FOLR1: variants seen among roughly 807,000 people sequenced by gnomAD.
FOLR1 encodes KB cells FBP.
Under a neutral mutation model 22.8 loss-of-function variants are expected in FOLR1, and 11 were observed. That is an observed-to-expected ratio of 0.48 (90% CI 0.30 to 0.80). FOLR1 has a LOEUF of 0.80. FOLR1 is among the 30% of genes least tolerant of loss of function. The probability of loss-of-function intolerance (pLI) is 0.06; values close to 1 mark genes in which losing one functional copy is unlikely to be tolerated. For missense variants in FOLR1, 273 were observed against 320.3 expected (o/e 0.85, Z 1.13); for synonymous variants, 108 against 116.5 (o/e 0.93, Z 0.47).
chr11:72,191,276 C>T (rs902563877), upstream of FOLR1, among the ~76,000 whole-genome samples: 8 of 152,036 alleles, frequency 5.3e-5, no homozygotes, highest in Admixed American at 5.2e-4. Flanking sequence ...AGTGATGAGG[C>T]TAGAAAGGGG....
In FOLR1 at chr11:72,195,820, A is replaced by G. The variant is rs1345207575; in HGVS notation, c.493+73A>G. 3.1e-6 allele frequency: 5 copies of G among 1,613,912 alleles called. No homozygotes were observed. The Admixed American group carries it at 8.3e-5, about 27-fold the overall frequency. ...TGTGGGTGTGGAACAGGTATGTGAC[A>G]ATTTGGAGTTGTAGGGCTGGCAGAC... On this transcript the variant is annotated intron_variant, in intron 3 of 3. Coordinates refer to ENST00000393676, the MANE Select transcript of FOLR1 (RefSeq NM_016729.3).
rs751350258 is a variant in FOLR1, at chr11:72,195,877, G to C, written c.494-20G>C. The C allele has an allele frequency of 6.2e-7, 1 of 1,614,072 alleles. No homozygotes were observed. Among genetic ancestry groups the C allele is most frequent in the African/African-American group, 1.3e-5 (1 of 74,928 alleles). On this transcript the variant is annotated intron_variant, in intron 3 of 3. Transcript: ENST00000393676. ...ATAGTTCCGGGCCCAGTGGCTAAAG[G>C]TCTTCCCTCCTCTCTACAGGGTTTA...
intron 1 of FOLR1, among the ~76,000 whole-genome samples, chr11:72,193,090 T>C (rs763895929): frequency 2.0e-5 from 3 of 152,058 alleles, no homozygotes; most frequent in Non-Finnish European, 2.9e-5. Flanking sequence ...ATCCCAACAC[T>C]GTGGGATGTC....
intron 1 of FOLR1, among the ~76,000 whole-genome samples, chr11:72,194,634 C>T (rs560725077): frequency 1.2e-4 from 19 of 152,252 alleles, no homozygotes; most frequent in Non-Finnish European, 2.2e-4. Context: ...CTCTTAGCCT[C>T]GTGATCCACC....
chr11:72,195,170 T>C (rs978620591), intron 1 of FOLR1, 101 bp from the exon 2 acceptor site: 1 of 1,176,750 alleles, frequency 8.5e-7, no homozygotes, highest in Non-Finnish European at 1.3e-6. Context: ...TCCAGTGGGC[T>C]GGGGAATCAA....
intron 2 of FOLR1, 25 bp from the exon 3 acceptor site, chr11:72,195,587 C>T (rs753777743): frequency 1.2e-6 from 2 of 1,614,170 alleles, no homozygotes; most frequent in Non-Finnish European, 1.7e-6. Context: ...AACCTGAGCC[C>T]TTCTTTTGTA....
chr11:72,195,296 G>A lies in FOLR1; in HGVS notation c.194G>A (p.Cys65Tyr), dbSNP rs1335969248. The change falls in exon 2 of 4, where the codon TGC becomes TAC. Residue 65 changes from cysteine to tyrosine, a missense_variant. Transcript: ENST00000393676. ...TGTCGACCCTGGAGGAAGAATGCCT[G>A]CTGTTCTACCAACACCAGCCAGGAA... The part of the protein sequence containing the change: ...EQCRPWRKNA[C>Y]CSTNTSQEAH... 7 of 1,613,922 alleles carry A rather than the reference G, an allele frequency of 4.3e-6. No homozygotes were observed. The highest frequency in any genetic ancestry group is 5.9e-6 in the Non-Finnish European group (7 of 1,180,038).
chr11:72,195,742 C>T lies in FOLR1; in HGVS notation c.488C>T (p.Thr163Ile). ...KSNWHKGWNW[T>I]SGFNKCAVGA... Reference sequence around the variant, plus strand: ...AACTGGCACAAGGGCTGGAACTGGACTTCAGGTGAGGGCTGGGGTGGGCAG... The same window carrying T: ...AACTGGCACAAGGGCTGGAACTGGATTTCAGGTGAGGGCTGGGGTGGGCAG... Residue 163 changes from threonine to isoleucine, a missense_variant, in exon 3 of 4, where the codon ACT (threonine) becomes ATT (isoleucine). Coordinates refer to ENST00000393676, the MANE Select transcript of FOLR1 (RefSeq NM_016729.3). 6.2e-7 allele frequency: 1 copy of T among 1,614,146 alleles called. No homozygotes were observed.
At chr11:72,194,468 C>T (rs1253142372) in intron 1 of FOLR1, among the ~76,000 whole-genome samples, 1 of 152,034 alleles carries the variant, frequency 6.6e-6, no homozygotes, top group Non-Finnish European at 1.5e-5. Context: ...GGCATGATCT[C>T]GGCTCACTGC....
chr11:72,195,594 T>G lies in FOLR1; in HGVS notation c.358-18T>G. 1 of 1,614,178 alleles carries G rather than the reference T, an allele frequency of 6.2e-7. No homozygotes were observed. Among genetic ancestry groups the G allele is most frequent in the Non-Finnish European group, 8.5e-7 (1 of 1,180,032 alleles). ...GATTCTTGAACCTGAGCCCTTCTTT[T>G]GTATCAAAATCACCCAGGTGGATCA... On this transcript the variant is annotated intron_variant, in intron 2 of 3. Transcript: ENST00000393676.
Position 72,192,181 on chromosome 11 carries a change from A to G in FOLR1, c.8A>G (p.Gln3Arg), listed in dbSNP as rs1261674339. 3 of 1,614,184 alleles carry G rather than the reference A, an allele frequency of 1.9e-6. No individual in the cohort carries two copies. Among genetic ancestry groups the G allele is most frequent in the East Asian group, 2.2e-5 (1 of 44,884 alleles). ...CTTTCTTCAGGGACAGACATGGCTC[A>G]GCGGATGACAACACAGCTGCTGCTC... MA[Q>R]RMTTQLLLLL... Residue 3 changes from glutamine (Q) to arginine (R), a missense_variant, in exon 1 of 4, where the codon CAG becomes CGG. By Grantham distance (43) the Gln-to-Arg change is conservative. Transcript: ENST00000393676.
chr11:72,192,212 A>G lies in FOLR1; in HGVS notation c.39A>G (p.Leu13=). The G allele has an allele frequency of 6.2e-7, 1 of 1,614,142 alleles. No individual in the cohort carries two copies. Among genetic ancestry groups the G allele is most frequent in the Non-Finnish European group, 8.5e-7 (1 of 1,180,014 alleles). The change falls in exon 1 of 4, where the codon CTA becomes CTG. Residue 13 remains leucine, a synonymous_variant. Transcript: ENST00000393676. ...TGACAACACAGCTGCTGCTCCTTCT[A>G]GTGTGGGTGGCTGTAGTAGGGGAGG... ...QRMTTQLLLL[L]VWVAVVGEAQ...
intron 1 of FOLR1, 55 bp from the exon 2 acceptor site, chr11:72,195,216 T>TGGCTGTGCC: frequency 6.7e-7 from 1 of 1,489,268 alleles, no homozygotes; most frequent in Non-Finnish European, 9.4e-7. Flanking sequence ...TGGAATATTC[T>TGGCTGTGCC]GGCTGTGCTG....
Position 72,196,115 on chromosome 11 carries a change from C to T in FOLR1, c.712C>T (p.Pro238Ser). The T allele has an allele frequency of 1.2e-6, 2 of 1,614,170 alleles. No individual in the cohort carries two copies. The highest frequency in any genetic ancestry group is 1.7e-6 in the Non-Finnish European group (2 of 1,180,038). The part of the protein sequence containing the change: ...FYAAAMSGAG[P>S]WAAWPFLLSL... Reference sequence around the variant, plus strand: ...TGCTGCAGCCATGAGTGGGGCTGGGCCCTGGGCAGCCTGGCCTTTCCTGCT... The same window carrying T: ...TGCTGCAGCCATGAGTGGGGCTGGGTCCTGGGCAGCCTGGCCTTTCCTGCT... Residue 238 changes from proline (P) to serine (S), a missense_variant, in exon 4 of 4, where the codon CCC (proline) becomes TCC (serine). By Grantham distance (74) the Pro-to-Ser change is moderately conservative. Coordinates refer to ENST00000393676, the MANE Select transcript of FOLR1 (RefSeq NM_016729.3).
At position 72,195,725 on chromosome 11, in the gene FOLR1, CA is replaced by C; in HGVS notation, c.473del (p.Lys158ArgfsTer76). On this transcript the variant is annotated frameshift_variant, in exon 3 of 4. Transcript: ENST00000393676. LOFTEE classifies it low-confidence loss of function (END_TRUNC). ...CCTACACCTGCAAGAGCAACTGGCA[CA>C]AGGGCTGGAACTGGACTTCAGGTGA... Reference protein sequence around the residue: ...TSYTCKSNWHKGWNWTSGFNK... With the variant: ...TSYTCKSNWHXGWNWTSGFNK... 6.2e-7 allele frequency: 1 copy of C among 1,614,180 alleles called. No individual in the cohort carries two copies. Among genetic ancestry groups the C allele is most frequent in the Non-Finnish European group, 8.5e-7 (1 of 1,180,038 alleles).
chr11:72,195,198 A>G, intron 1 of FOLR1, 73 bp from the exon 2 acceptor site: 2 of 1,393,440 alleles, frequency 1.4e-6, no homozygotes, highest in Non-Finnish European at 2.0e-6. Flanking sequence ...GAGGGGAGAC[A>G]CTGCATGTGG....
intron 1 of FOLR1, among the ~76,000 whole-genome samples, chr11:72,194,716 G>A (rs1392792529): frequency 6.6e-6 from 1 of 152,082 alleles, no homozygotes; most frequent in East Asian, 1.9e-4. Context: ...TATATTTTTA[G>A]TAGAGACGGG....
intron 1 of FOLR1, 125 bp from the exon 2 acceptor site, chr11:72,195,146 T>A: frequency 1.0e-6 from 1 of 985,880 alleles, no homozygotes. Context: ...TAGCAAGTAT[T>A]TTCCTGGGTG....
At chr11:72,192,392 A>C (rs1016235880) in intron 1 of FOLR1, 51 bp downstream of exon 1, 19 of 1,603,710 alleles carry the variant, frequency 1.2e-5, no homozygotes, top group Non-Finnish European at 1.5e-5. Context: ...AGGAAGAGGA[A>C]ACGAGGACAT....
Sources: gnomAD v4.1 joint callset for allele counts (sites outside exome capture counted in the v4.1 genomes callset) on GRCh38, gnomAD v4.1.1 for gene constraint, MANE v1.5 for transcripts, NCBI Gene and HGNC (gene_info 2026-07-23, HGNC 2026-07-21) for gene names.